The following ACSM3 variants were observed in gnomAD, a reference collection of about 807,000 sequenced individuals.
ACSM3 encodes the protein acyl-CoA synthetase medium chain family member 3.
Under a neutral mutation model 74.1 loss-of-function variants are expected in ACSM3, and 61 were observed. The ratio of observed to expected loss-of-function variants is 0.82; its 90% CI spans 0.67 to 1.02. ACSM3 has a LOEUF of 1.02. Ranked by LOEUF, ACSM3 falls within the 50% of genes least tolerant of loss-of-function variation. The pLI is 0.00. For synonymous variants in ACSM3, 213 were observed against 241.5 expected, an observed-to-expected ratio of 0.88 and a Z score of 1.09; for missense variants, 660 against 697.0, an observed-to-expected ratio of 0.95 and a Z score of 0.60.
intron 1 of ACSM3, among the ~76,000 whole-genome samples, chr16:20,715,247 T>C (rs1006411362): frequency 1.3e-5 from 2 of 152,202 alleles, no homozygotes; most frequent in South Asian, 4.1e-4. Context: ...TTTTCTATTT[T>C]AAGGGGAGGA....
At chr16:20,786,704 A>C (rs561196610) in intron 9 of ACSM3, among the ~76,000 whole-genome samples, 1 of 152,264 alleles carries the variant, frequency 6.6e-6, no homozygotes, top group Admixed American at 6.5e-5. Context: ...ATATTAACCC[A>C]TTGAATTTCC....
At chr16:20,769,890 T>A in intron 1 of ACSM3, 94 bp from the exon 2 acceptor site, 3 of 682,042 alleles carry the variant, frequency 4.4e-6, no homozygotes, top group Non-Finnish European at 7.6e-6. Flanking sequence ...ACTATCATGA[T>A]GATTATCAAT....
rs2080731887 is a variant in ACSM3, at chr16:20,796,795, C to T, written c.1675-91C>T. 6.4e-6 allele frequency: 10 copies of T among 1,567,968 alleles called. No homozygotes were observed. In the South Asian group the frequency reaches 1.2e-4, roughly 19 times the overall value. ...ATTCCAAAGACTATTCTAATTCTTCCACCTAGAATTCATAATCAAACTGCT... is the reference window on the plus strand; with the variant it reads ...ATTCCAAAGACTATTCTAATTCTTCTACCTAGAATTCATAATCAAACTGCT... On this transcript the variant is annotated intron_variant, in intron 13 of 13. Coordinates refer to ENST00000289416, the MANE Select transcript of ACSM3 (RefSeq NM_005622.4).
In ACSM3 at chr16:20,790,894, A is replaced by G. The variant is rs372613008; in HGVS notation, c.1326+206A>G. On this transcript the variant is annotated intron_variant, in intron 10 of 13. Coordinates refer to ENST00000289416, the MANE Select transcript of ACSM3 (RefSeq NM_005622.4). This position sits in a 1 kb window ranked among gnomAD's most constrained non-coding sequence, Gnocchi z 4.0. ...AAGCATGCTGGTCCCCTGAGGCCAGATCACTGTTCCAGGTCCACGAAGGCA... is the reference window on the plus strand; with the variant it reads ...AAGCATGCTGGTCCCCTGAGGCCAGGTCACTGTTCCAGGTCCACGAAGGCA... The G allele has an allele frequency of 1.9e-6, 3 of 1,614,006 alleles. No individual in the cohort carries two copies. The highest frequency in any genetic ancestry group is 2.5e-6 in the Non-Finnish European group (3 of 1,179,992).
At chr16:20,724,517 A>G (rs35718575) in intron 1 of ACSM3, among the ~76,000 whole-genome samples, 4,477 of 152,292 alleles carry the variant, frequency 0.029, 229 homozygotes, top group African/African-American at 0.1. Flanking sequence ...ATAGCGTTGG[A>G]AGTTCTGGCC....
intron 1 of ACSM3, among the ~76,000 whole-genome samples, chr16:20,727,018 G>A (rs932942918): frequency 3.9e-5 from 6 of 152,158 alleles, no homozygotes; most frequent in African/African-American, 1.4e-4. Context: ...ATCAGTATTA[G>A]CTGTTATATC....
At chr16:20,675,729 G>C (rs1210564044) in intron 1 of ACSM3, among the ~76,000 whole-genome samples, 2 of 152,328 alleles carry the variant, frequency 1.3e-5, no homozygotes, top group Admixed American at 1.3e-4. Context: ...TTTTAAGGTA[G>C]TGACTAGCCC....
intron 1 of ACSM3, among the ~76,000 whole-genome samples, chr16:20,710,415 T>C (rs996658695): frequency 1.3e-5 from 2 of 152,222 alleles, no homozygotes; most frequent in African/African-American, 2.4e-5. Context: ...ACTGCACTAA[T>C]ATAGTATGCA....
upstream of ACSM3, among the ~76,000 whole-genome samples, chr16:20,761,208 G>A (rs1428522108): frequency 1.3e-5 from 2 of 151,982 alleles, no homozygotes. Flanking sequence ...TCCCAGGTTT[G>A]AGCAATTTTT....
chr16:20,796,277 C>T (rs2080721744), intron 12 of ACSM3, 93 bp from the exon 13 acceptor site: 1 of 1,531,244 alleles, frequency 6.5e-7, no homozygotes, highest in African/African-American at 1.4e-5. Flanking sequence ...CCCACCCCAC[C>T]AGGCATGTAG....
chr16:20,695,250 C>T (rs73530599), intron 1 of ACSM3, among the ~76,000 whole-genome samples: 2,397 of 152,250 alleles, frequency 0.016, 66 homozygotes, highest in African/African-American at 0.054. Context: ...ACCCACATAA[C>T]TTGGGGCAAT....
intron 1 of ACSM3, chr16:20,676,294 G>T (rs1957775219): frequency 6.6e-6 from 1 of 152,206 alleles, no homozygotes; most frequent in South Asian, 2.1e-4. Context: ...CTACAAAAGT[G>T]CCAAGAAGCC....
upstream of ACSM3, among the ~76,000 whole-genome samples, chr16:20,759,512 A>G (rs1036948889): frequency 1.3e-5 from 2 of 150,100 alleles, no homozygotes; most frequent in African/African-American, 2.5e-5. Flanking sequence ...GTGAGCCGAG[A>G]TCACGCCACT....
chr16:20,775,680 T>C (rs551222096), intron 2 of ACSM3, among the ~76,000 whole-genome samples, 159 bp from the exon 3 acceptor site: 4 of 152,328 alleles, frequency 2.6e-5, no homozygotes, highest in African/African-American at 9.6e-5. Flanking sequence ...GTCATCCATC[T>C]TGATGATGTC....
At chr16:20,747,692 C>A (rs532534732) in intron 1 of ACSM3, among the ~76,000 whole-genome samples, 8 of 152,236 alleles carry the variant, frequency 5.3e-5, no homozygotes, top group Non-Finnish European at 1.2e-4. Flanking sequence ...GAATGAATCA[C>A]CAATGGTGGC....
Position 20,770,247 on chromosome 16 carries a change from G to A in ACSM3, c.213G>A (p.Lys71=), listed in dbSNP as rs774327297. Reference sequence around the variant, plus strand: ...ATGTCCTGGACCAATGGACTGATAAGGAAAAGGTATGGGGGGAGGGCCAGT... The same window carrying A: ...ATGTCCTGGACCAATGGACTGATAAAGAAAAGGTATGGGGGGAGGGCCAGT... ...AKDVLDQWTD[K]EKAGKKPSNP... is the part of the protein sequence containing the mutation. The change falls in exon 2 of 14, where the codon AAG becomes AAA. Residue 71 remains lysine, a synonymous_variant. Coordinates refer to ENST00000289416, the MANE Select transcript of ACSM3 (RefSeq NM_005622.4). The A allele has an allele frequency of 3.7e-6, 6 of 1,613,788 alleles. No homozygotes were observed. The East Asian group carries it at 6.7e-5, about 18-fold the overall frequency.
At position 20,790,147 on chromosome 16, in the gene ACSM3, A is replaced by G. The variant is rs977092903; in HGVS notation, c.1225-440A>G. On this transcript the variant is annotated intron_variant, in intron 9 of 13. Transcript: ENST00000289416. The surrounding 1 kb of genome is among the most constrained non-coding windows in gnomAD (Gnocchi z 4.0). ...GTAAATATATTTCTCTTAGGAATTT[A>G]AAGTATATTTAAAATATTTTTGGGC... is the stretch of plus-strand genomic sequence containing the variant. Among the ~76,000 whole-genome samples the G allele has an allele frequency of 7.8e-6, 1 of 127,838 alleles. No homozygotes were observed. Among genetic ancestry groups the G allele is most frequent in the Non-Finnish European group, 1.7e-5 (1 of 59,028 alleles). The allele number at this position is 127,838 out of a possible 152,430, so 83.9% of individuals were successfully genotyped here.
chr16:20,777,675 A>G, intron 4 of ACSM3, 95 bp downstream of exon 4: 3 of 1,089,086 alleles, frequency 2.8e-6, no homozygotes, highest in Non-Finnish European at 4.0e-6. Flanking sequence ...AATGCAAATT[A>G]AAACAACAGG....
chr16:20,793,842 C>T (rs2080660388), intron 12 of ACSM3, among the ~76,000 whole-genome samples: 1 of 152,162 alleles, frequency 6.6e-6, no homozygotes, highest in South Asian at 2.1e-4. Context: ...TCAGTTTTAC[C>T]CACCTAGACA....
Sources: gnomAD v4.1 joint callset for allele counts (sites outside exome capture counted in the v4.1 genomes callset) on GRCh38, gnomAD v4.1.1 for gene constraint, Gnocchi (gnomAD v3.1) non-coding constraint, MANE v1.5 for transcripts, NCBI Gene and HGNC (gene_info 2026-07-23, HGNC 2026-07-21) for gene names.